CEP63: variants seen among roughly 807,000 people sequenced by gnomAD.
CEP63 encodes centrosomal protein 63.
In CEP63, 84 loss-of-function variants were observed where a neutral mutation model predicts 89.1. The ratio of observed to expected loss-of-function variants is 0.94; its 90% CI spans 0.79 to 1.13. CEP63 has a LOEUF of 1.13. Ranked by LOEUF, CEP63 falls within the 50% of genes most tolerant of loss-of-function variation. CEP63 has a pLI of 0.00. For missense variants in CEP63, 838 were observed against 813.3 expected, an observed-to-expected ratio of 1.03 and a Z score of -0.37; for synonymous variants, 267 against 272.5, an observed-to-expected ratio of 0.98 and a Z score of 0.20.
At chr3:134,693,748 C>G in the CEP63 span, among the ~76,000 whole-genome samples, 2 of 152,198 alleles carry the variant, frequency 1.3e-5, no homozygotes, top group South Asian at 4.1e-4. Context: ...AGCCTCATGG[C>G]TAAAGAACGT....
At chr3:134,548,365 G>T (rs961940265) in intron 9 of CEP63, among the ~76,000 whole-genome samples, 1 of 152,170 alleles carries the variant, frequency 6.6e-6, no homozygotes, top group African/African-American at 2.4e-5. Flanking sequence ...GTTCTGCTGT[G>T]GTGTTGTTAC....
chr3:134,699,129 G>A, the CEP63 span, among the ~76,000 whole-genome samples: 17 of 152,220 alleles, frequency 1.1e-4, no homozygotes, highest in Admixed American at 4.6e-4. Flanking sequence ...AATGTCTCAG[G>A]AGAGTGTGGA....
chr3:134,767,541 A>G, the CEP63 span, among the ~76,000 whole-genome samples: 2 of 152,126 alleles, frequency 1.3e-5, no homozygotes, highest in South Asian at 2.1e-4. Context: ...CAAACATCCT[A>G]TGCTCTGCCA....
chr3:134,494,144 CTCTG>C (rs1301049977), intron 1 of CEP63, among the ~76,000 whole-genome samples: 1 of 149,892 alleles, frequency 6.7e-6, no homozygotes, highest in East Asian at 1.9e-4. Flanking sequence ...GAGATGGAAT[CTCTG>C]TCTGCCACCC....
chr3:134,507,790 C>T (rs949643495), intron 3 of CEP63, among the ~76,000 whole-genome samples: 75 of 152,268 alleles, frequency 4.9e-4, no homozygotes, highest in African/African-American at 1.8e-3. Flanking sequence ...ATAAAAATTA[C>T]TTGCAGTCCC....
the CEP63 span, among the ~76,000 whole-genome samples, chr3:134,648,934 G>C: frequency 2.0e-5 from 3 of 152,178 alleles, no homozygotes; most frequent in African/African-American, 7.2e-5. Flanking sequence ...GCAAGAGTTT[G>C]TTTTATATCT....
the CEP63 span, among the ~76,000 whole-genome samples, chr3:134,626,885 A>G: frequency 6.6e-6 from 1 of 152,218 alleles, no homozygotes; most frequent in African/African-American, 2.4e-5. Context: ...GCCTCTTTTC[A>G]GTGCCCTCTT....
At chr3:134,575,725 C>T (rs1014893671), downstream of CEP63, among the ~76,000 whole-genome samples, 1 of 152,100 alleles carries the variant, frequency 6.6e-6, no homozygotes, top group Non-Finnish European at 1.5e-5. Flanking sequence ...GATCCTCCCA[C>T]CTTAGCCTGC....
chr3:134,660,561 C>T, the CEP63 span, among the ~76,000 whole-genome samples: 4 of 152,162 alleles, frequency 2.6e-5, no homozygotes. Context: ...ACCCATTGTT[C>T]ATTTTACTTA....
chr3:134,649,402 G>A, the CEP63 span, among the ~76,000 whole-genome samples: 2 of 152,198 alleles, frequency 1.3e-5, no homozygotes, highest in Non-Finnish European at 2.9e-5. Context: ...GATCAGAGAG[G>A]ATTGGGAGTA....
chr3:134,520,602 A>C (rs1947230770), intron 3 of CEP63, among the ~76,000 whole-genome samples: 1 of 152,228 alleles, frequency 6.6e-6, no homozygotes, highest in Non-Finnish European at 1.5e-5. Context: ...ATGAAGAGAA[A>C]TTAAGGTGGA....
chr3:134,580,786 C>G (rs148973666), intron 10 of CEP63, among the ~76,000 whole-genome samples: 1 of 152,292 alleles, frequency 6.6e-6, no homozygotes, highest in Admixed American at 6.5e-5. Flanking sequence ...CACATGTGAA[C>G]GACAGCCCTC....
At chr3:134,496,440 G>GA (rs1553742044) in intron 2 of CEP63, among the ~76,000 whole-genome samples, 1 of 148,220 alleles carries the variant, frequency 6.7e-6, no homozygotes, top group African/African-American at 2.5e-5. Flanking sequence ...AAGGGGGGGG[G>GA]GGCTAAAGAA....
At chr3:134,528,835 G>A (rs1949275619) in intron 3 of CEP63, among the ~76,000 whole-genome samples, 1 of 152,146 alleles carries the variant, frequency 6.6e-6, no homozygotes, top group African/African-American at 2.4e-5. Context: ...TCTTCTGGTG[G>A]ATTGTGGGCT....
At chr3:134,778,039 T>A in the CEP63 span, among the ~76,000 whole-genome samples, 2 of 151,952 alleles carry the variant, frequency 1.3e-5, no homozygotes, top group African/African-American at 4.8e-5. Context: ...CAAGTTGCCT[T>A]TTCACAGAAT....
the CEP63 span, among the ~76,000 whole-genome samples, chr3:134,644,140 TA>T: frequency 6.6e-6 from 1 of 152,120 alleles, no homozygotes; most frequent in South Asian, 2.1e-4. Flanking sequence ...TCCTGCTTCT[TA>T]ATGAGAAGAA....
chr3:134,591,609 A>G (rs1202652024), downstream of CEP63, among the ~76,000 whole-genome samples: 2 of 152,124 alleles, frequency 1.3e-5, no homozygotes, highest in Admixed American at 6.6e-5. Flanking sequence ...TAATCCCAGC[A>G]CTTTGGGAGG....
At chr3:134,557,277 T>C (rs1322031360) in intron 12 of CEP63, among the ~76,000 whole-genome samples, 1 of 152,060 alleles carries the variant, frequency 6.6e-6, no homozygotes, top group Non-Finnish European at 1.5e-5. Context: ...TAGTCACTAC[T>C]TGTACACAGA....
chr3:134,610,548 C>G, the CEP63 span: 24 of 621,866 alleles, frequency 3.9e-5, no homozygotes, highest in Non-Finnish European at 6.7e-5. Flanking sequence ...TGGCTTTTAT[C>G]TCGGGGCACT....
Sources: gnomAD v4.1 joint callset for allele counts (sites outside exome capture counted in the v4.1 genomes callset) on GRCh38, gnomAD v4.1.1 for gene constraint, MANE v1.5 for transcripts, NCBI Gene and HGNC (gene_info 2026-07-23, HGNC 2026-07-21) for gene names.